DAB1: variants seen among roughly 807,000 people sequenced by gnomAD.
The protein encoded by DAB1 is DAB adaptor protein 1.
A neutral mutation model predicts 64.6 loss-of-function variants in DAB1; 15 were observed. That is an observed-to-expected ratio of 0.23 (90% CI 0.16 to 0.36). The LOEUF is 0.36. Ranked by LOEUF, DAB1 falls within the 10% of genes least tolerant of loss-of-function variation. The probability of loss-of-function intolerance (pLI) is 1.00; values close to 1 mark genes in which losing one functional copy is unlikely to be tolerated. For synonymous variants in DAB1, 235 were observed against 251.9 expected (o/e 0.93, Z 0.64); for missense variants, 596 against 706.7 (o/e 0.84, Z 1.78).
At chr1:57,174,973 T>C (rs1160454252) in intron 2 of DAB1, among the ~76,000 whole-genome samples, 1 of 152,148 alleles carries the variant, frequency 6.6e-6, no homozygotes, top group African/African-American at 2.4e-5. Context: ...AAAATAATTT[T>C]AAAAGGGTAA....
intron 4 of DAB1, among the ~76,000 whole-genome samples, chr1:58,246,613 T>C (rs192846776): frequency 6.6e-6 from 1 of 152,094 alleles, no homozygotes; most frequent in Non-Finnish European, 1.5e-5. Flanking sequence ...CTGCATATGA[T>C]GTGTGTGGGT....
intron 6 of DAB1, among the ~76,000 whole-genome samples, chr1:57,811,468 G>A (rs1651619033): frequency 6.6e-6 from 1 of 152,144 alleles, no homozygotes; most frequent in African/African-American, 2.4e-5. Context: ...ATGATTCTAA[G>A]TTTTCTGAGG....
chr1:57,274,246 C>G (rs1299056758), intron 2 of DAB1, among the ~76,000 whole-genome samples: 1 of 152,160 alleles, frequency 6.6e-6, no homozygotes, highest in Non-Finnish European at 1.5e-5. Context: ...ACCTGTCATT[C>G]TTATAAAGCA....
At chr1:58,472,427 A>C (rs1328655867) in intron 3 of DAB1, among the ~76,000 whole-genome samples, 3 of 152,152 alleles carry the variant, frequency 2.0e-5, no homozygotes, top group African/African-American at 7.2e-5. Context: ...TATTTTTGTC[A>C]TTAGCACTTT....
At chr1:58,455,588 CTG>C (rs1439987780) in intron 3 of DAB1, among the ~76,000 whole-genome samples, 1 of 152,226 alleles carries the variant, frequency 6.6e-6, no homozygotes, top group African/African-American at 2.4e-5. Flanking sequence ...TGGGAATTGA[CTG>C]TTTTTCTTTT....
intron 1 of DAB1, among the ~76,000 whole-genome samples, chr1:57,359,359 A>T (rs577410484): frequency 6.6e-6 from 1 of 152,224 alleles, no homozygotes; most frequent in African/African-American, 2.4e-5. Flanking sequence ...ATCACTAATC[A>T]TCAGTGAAAT....
chr1:57,205,146 G>C (rs1187726375), intron 2 of DAB1, among the ~76,000 whole-genome samples: 1 of 152,186 alleles, frequency 6.6e-6, no homozygotes, highest in Non-Finnish European at 1.5e-5. Context: ...AAGGCATAAA[G>C]GGGAGGCCCA....
At chr1:57,874,707 G>A (rs1644014144) in intron 1 of DAB1, among the ~76,000 whole-genome samples, 1 of 152,136 alleles carries the variant, frequency 6.6e-6, no homozygotes, top group African/African-American at 2.4e-5. Flanking sequence ...ACGTCCCAGA[G>A]GTAGATGCTC....
intron 4 of DAB1, among the ~76,000 whole-genome samples, chr1:57,092,210 C>A (rs1400831667): frequency 6.6e-6 from 1 of 152,218 alleles, no homozygotes; most frequent in Non-Finnish European, 1.5e-5. Flanking sequence ...CATTTATTGA[C>A]TACTTCCTGC....
At chr1:57,563,364 G>A (rs949434050) in intron 7 of DAB1, among the ~76,000 whole-genome samples, 5 of 152,194 alleles carry the variant, frequency 3.3e-5, no homozygotes, top group African/African-American at 7.2e-5. Flanking sequence ...CAGCATGAGC[G>A]ACGCAGAAGA....
chr1:58,238,546 G>A (rs1031135788), intron 4 of DAB1, among the ~76,000 whole-genome samples: 1 of 152,140 alleles, frequency 6.6e-6, no homozygotes, highest in African/African-American at 2.4e-5. Context: ...TACGAGCCAA[G>A]GAGGGACTTT....
intron 7 of DAB1, among the ~76,000 whole-genome samples, chr1:57,531,213 C>T (rs1355725492): frequency 6.6e-6 from 1 of 152,176 alleles, no homozygotes; most frequent in African/African-American, 2.4e-5. Context: ...CCTGCCCCAC[C>T]TTAACTGAGC....
At chr1:58,287,754 G>T (rs1229439027) in intron 4 of DAB1, among the ~76,000 whole-genome samples, 1 of 152,122 alleles carries the variant, frequency 6.6e-6, no homozygotes, top group East Asian at 1.9e-4. Context: ...AGGCGTGGTG[G>T]CTCATGCCTG....
chr1:58,119,477 G>A (rs1157587106), intron 5 of DAB1, among the ~76,000 whole-genome samples: 1 of 152,148 alleles, frequency 6.6e-6, no homozygotes. Context: ...GTCTTTCTCA[G>A]AGCTGAATCA....
rs1415338813 is a variant in DAB1, at chr1:57,496,469, A to T, written n.625+153123T>A. Among the ~76,000 whole-genome samples, 5 of 152,204 alleles carry T rather than the reference A, an allele frequency of 3.3e-5. No individual in the cohort carries two copies. In the East Asian group the frequency reaches 9.6e-4, roughly 29 times the overall value. On this transcript the variant is annotated intron_variant and non_coding_transcript_variant, in intron 7 of 20. Coordinates refer to the DAB1 transcript ENST00000485760. ...CCAGTATACCGTAGATTCTCAATAC[A>T]TTTCAGCAACAGGTTTATAAAACAC... is the stretch of plus-strand genomic sequence containing the variant.
At chr1:58,303,483 T>C (rs1662222312) in intron 4 of DAB1, among the ~76,000 whole-genome samples, 1 of 152,106 alleles carries the variant, frequency 6.6e-6, no homozygotes, top group South Asian at 2.1e-4. Context: ...CTAAAGAAAG[T>C]AGCAAAGAAA....
chr1:58,341,025 A>G (rs763226148), intron 4 of DAB1, among the ~76,000 whole-genome samples: 7 of 148,694 alleles, frequency 4.7e-5, no homozygotes, highest in Non-Finnish European at 7.5e-5. Context: ...CTTTTTCTCA[A>G]TTTCTATCCA....
intron 6 of DAB1, among the ~76,000 whole-genome samples, chr1:57,812,397 G>A (rs549845602): frequency 6.6e-6 from 1 of 151,504 alleles, no homozygotes; most frequent in South Asian, 2.1e-4. Flanking sequence ...AGACAAAGAA[G>A]GGGCCACAGA....
intron 6 of DAB1, among the ~76,000 whole-genome samples, chr1:57,726,987 C>T (rs780689369): frequency 2.6e-5 from 4 of 152,254 alleles, no homozygotes; most frequent in East Asian, 3.9e-4. Flanking sequence ...TTTTAAAAAA[C>T]GAAGTGACCA....
Sources: allele counts gnomAD v4.1 joint callset (sites outside exome capture counted in the v4.1 genomes callset), GRCh38; gene constraint gnomAD v4.1.1; transcripts MANE v1.5; gene names NCBI Gene and HGNC (gene_info 2026-07-23, HGNC 2026-07-21).